Variants in PARD3 observed in about 807,000 individuals in gnomAD.
The protein encoded by PARD3 is par-3 family cell polarity regulator.
Under a neutral mutation model 155.4 loss-of-function variants are expected in PARD3, and 75 were observed. That is an observed-to-expected ratio of 0.48 (90% CI 0.40 to 0.58). The LOEUF (loss-of-function observed/expected upper bound fraction) is 0.58. Ranked by LOEUF, PARD3 falls within the 20% of genes least tolerant of loss-of-function variation. The pLI is 0.00. For synonymous variants in PARD3, 576 were observed against 610.5 expected (o/e 0.94, Z 0.83); for missense variants, 1,642 against 1,721.7 (o/e 0.95, Z 0.82).
At chr10:34,707,908 G>A (rs1352686231) in intron 1 of PARD3, among the ~76,000 whole-genome samples, 1 of 152,154 alleles carries the variant, frequency 6.6e-6, no homozygotes, top group Non-Finnish European at 1.5e-5. Flanking sequence ...CCTCCAAGGA[G>A]CTTGTTTTAA....
chr10:34,781,326 T>C (rs527653507), intron 1 of PARD3, among the ~76,000 whole-genome samples: 7 of 152,218 alleles, frequency 4.6e-5, no homozygotes, highest in Admixed American at 4.6e-4. Context: ...AAGAGCTGGG[T>C]GCTCCCTAGG....
chr10:34,748,255 A>C (rs1835553576), intron 1 of PARD3, among the ~76,000 whole-genome samples: 1 of 152,170 alleles, frequency 6.6e-6, no homozygotes, highest in South Asian at 2.1e-4. Context: ...AGATCACTTG[A>C]GGTCAGGAGT....
chr10:34,542,253 G>A (rs989055835), intron 2 of PARD3, among the ~76,000 whole-genome samples: 1 of 112,392 alleles, frequency 8.9e-6, no homozygotes, highest in Non-Finnish European at 1.9e-5. Flanking sequence ...ACACACACAC[G>A]CTTGCATTTA....
chr10:34,144,223 T>C (rs1948345348), intron 22 of PARD3, among the ~76,000 whole-genome samples: 1 of 152,198 alleles, frequency 6.6e-6, no homozygotes, highest in Non-Finnish European at 1.5e-5. Context: ...TAATACTACA[T>C]GTGCATAGTT....
intron 23 of PARD3, among the ~76,000 whole-genome samples, chr10:34,121,361 T>C (rs1946991878): frequency 6.6e-6 from 1 of 152,216 alleles, no homozygotes; most frequent in Admixed American, 6.5e-5. Flanking sequence ...AAGTGATCCT[T>C]TTCAGTACTC....
At chr10:34,213,779 C>T (rs1353941022) in intron 22 of PARD3, among the ~76,000 whole-genome samples, 1 of 152,122 alleles carries the variant, frequency 6.6e-6, no homozygotes, top group Non-Finnish European at 1.5e-5. Flanking sequence ...CAGTGCTGCT[C>T]CACGATTCAT....
intron 1 of PARD3, among the ~76,000 whole-genome samples, chr10:34,791,795 G>A (rs1841659769): frequency 6.6e-6 from 1 of 151,232 alleles, no homozygotes; most frequent in South Asian, 2.1e-4. Context: ...AGCTGTGATT[G>A]CACCACTGCA....
At chr10:34,648,457 T>C (rs2092911005) in intron 2 of PARD3, among the ~76,000 whole-genome samples, 1 of 152,202 alleles carries the variant, frequency 6.6e-6, no homozygotes, top group Admixed American at 6.5e-5. Flanking sequence ...CAACTTTTTT[T>C]TGGCAACAAG....
In PARD3 at chr10:34,294,940, C is replaced by T. The variant is rs145585485; in HGVS notation, c.3066-10695G>A. Among the ~76,000 whole-genome samples, 213 of 152,190 alleles carry T rather than the reference C, an allele frequency of 1.4e-3. 1 individual carries two copies. Among genetic ancestry groups the T allele is most frequent in the Middle Eastern group, 6.8e-3 (2 of 294 alleles). On this transcript the variant is annotated intron_variant, in intron 20 of 24. Coordinates refer to ENST00000374788, the MANE Select transcript of PARD3 (RefSeq NM_001184785.2). ...AGAGAAAGCTGGGCATGGTAGATCA[C>T]GCCTGCAATACTAGCACTTTGGGAG...
At position 34,183,592 on chromosome 10, in the gene PARD3, C is replaced by G. The variant is rs957164630; in HGVS notation, c.3420-52009G>C. Among the ~76,000 whole-genome samples, 3 of 152,142 alleles carry G rather than the reference C, an allele frequency of 2.0e-5. No homozygotes were observed. In the South Asian group the frequency reaches 6.2e-4, roughly 32 times the overall value. Reference sequence around the variant, plus strand: ...GTGTACCAAGTGTCATGGCCACCTGCGGATAACACCATGTGTTCAAAACAT... The same window carrying G: ...GTGTACCAAGTGTCATGGCCACCTGGGGATAACACCATGTGTTCAAAACAT... On this transcript the variant is annotated intron_variant, in intron 22 of 24. Transcript: ENST00000374788.
intron 1 of PARD3, among the ~76,000 whole-genome samples, chr10:34,712,929 C>A (rs568052423): frequency 4.6e-4 from 70 of 152,154 alleles, no homozygotes; most frequent in Non-Finnish European, 6.8e-4. Context: ...AAAGCTGAGG[C>A]CGGGCGCAGT....
At chr10:34,751,155 C>G (rs1314558302) in intron 1 of PARD3, among the ~76,000 whole-genome samples, 1 of 152,078 alleles carries the variant, frequency 6.6e-6, no homozygotes, top group Non-Finnish European at 1.5e-5. Context: ...TTAAGTCCAT[C>G]CATTCAGCTG....
intron 1 of PARD3, among the ~76,000 whole-genome samples, chr10:34,769,793 A>C (rs1297405117): frequency 3.7e-5 from 1 of 26,922 alleles, no homozygotes; most frequent in Non-Finnish European, 9.8e-5. Context: ...CAAACGAACA[A>C]AAAAACAAAA....
At chr10:34,180,137 T>C (rs1950206819) in intron 22 of PARD3, among the ~76,000 whole-genome samples, 1 of 152,144 alleles carries the variant, frequency 6.6e-6, no homozygotes, top group African/African-American at 2.4e-5. Context: ...AACCTCCCCG[T>C]CCCGGGTTCA....
At chr10:34,525,285 T>C (rs1463060918) in intron 2 of PARD3, among the ~76,000 whole-genome samples, 2 of 152,226 alleles carry the variant, frequency 1.3e-5, no homozygotes, top group African/African-American at 4.8e-5. Context: ...GGGTATATAC[T>C]GTCTGATAAA....
intron 22 of PARD3, among the ~76,000 whole-genome samples, chr10:34,168,195 C>A (rs1051644775): frequency 2.6e-5 from 4 of 152,054 alleles, no homozygotes; most frequent in Non-Finnish European, 5.9e-5. Context: ...AATACCTCCT[C>A]CAACAGAAAT....
intron 2 of PARD3, among the ~76,000 whole-genome samples, chr10:34,551,433 C>T (rs1313609481): frequency 6.6e-6 from 1 of 152,142 alleles, no homozygotes; most frequent in African/African-American, 2.4e-5. Flanking sequence ...CTCAAATGAA[C>T]ACAAATAACA....
chr10:34,318,199 G>T (rs1201847770), intron 19 of PARD3, among the ~76,000 whole-genome samples: 1 of 152,160 alleles, frequency 6.6e-6, no homozygotes, highest in Non-Finnish European at 1.5e-5. Flanking sequence ...AGTAACTGAA[G>T]TAAGTCTCCC....
chr10:34,484,319 C>G (rs572455777), intron 3 of PARD3, among the ~76,000 whole-genome samples: 1 of 152,282 alleles, frequency 6.6e-6, no homozygotes, highest in South Asian at 2.1e-4. Context: ...ATCACAAATA[C>G]GGACTTCACA....
Sources: allele counts gnomAD v4.1 joint callset (sites outside exome capture counted in the v4.1 genomes callset), GRCh38; gene constraint gnomAD v4.1.1; transcripts MANE v1.5; gene names NCBI Gene and HGNC (gene_info 2026-07-23, HGNC 2026-07-21).